Variants in MAPK6 observed in about 807,000 individuals in gnomAD.
MAPK6 encodes mitogen-activated protein kinase 6, also known as ERK-3.
In MAPK6, 19 loss-of-function variants were observed where a neutral mutation model predicts 59.3. That is an observed-to-expected ratio of 0.32 (90% CI 0.22 to 0.47). The LOEUF (loss-of-function observed/expected upper bound fraction) is 0.47. Ranked by LOEUF, MAPK6 falls within the 20% of genes least tolerant of loss-of-function variation. The pLI is 1.00. For missense variants in MAPK6, 724 were observed against 847.9 expected (o/e 0.85, Z 1.81); for synonymous variants, 316 against 290.3 (o/e 1.09, Z -0.90).
At chr15:51,992,016 G>A (rs1041954744) in intron 2 of MAPK6, among the ~76,000 whole-genome samples, 1 of 152,086 alleles carries the variant, frequency 6.6e-6, no homozygotes, top group African/African-American at 2.4e-5. Flanking sequence ...GAGTGCAGTG[G>A]CTTGATCACA....
intron 1 of MAPK6, among the ~76,000 whole-genome samples, chr15:52,041,268 C>T (rs1249431323): frequency 6.6e-6 from 1 of 152,164 alleles, no homozygotes; most frequent in African/African-American, 2.4e-5. Context: ...GCGATCTCGG[C>T]TCACAGCGAC....
intron 1 of MAPK6, among the ~76,000 whole-genome samples, chr15:52,039,509 C>CT (rs11341546): frequency 0.052 from 4,483 of 85,800 alleles, 286 homozygotes; most frequent in African/African-American, 0.13. Flanking sequence ...AGTGTTTTGT[C>CT]TTTTTTTTTT....
chr15:52,016,072 A>ACACACACACG (rs1566899882), upstream of MAPK6, among the ~76,000 whole-genome samples: 1 of 62,046 alleles, frequency 1.6e-5, no homozygotes, highest in Non-Finnish European at 3.4e-5. Context: ...GCGCGCGCGC[A>ACACACACACG]CACACACACA....
chr15:52,009,243 C>T (rs1207325369), intron 3 of MAPK6, among the ~76,000 whole-genome samples: 1 of 152,146 alleles, frequency 6.6e-6, no homozygotes, highest in Non-Finnish European at 1.5e-5. Context: ...TCTATTCTTT[C>T]CTTTTATTTA....
chr15:52,001,905 G>T (rs55843462), intron 2 of MAPK6, among the ~76,000 whole-genome samples: 1 of 151,978 alleles, frequency 6.6e-6, no homozygotes, highest in Non-Finnish European at 1.5e-5. Flanking sequence ...CATCAACCCA[G>T]ATGTCCCTGT....
chr15:52,045,277 G>GAT (rs1331909513), intron 1 of MAPK6, among the ~76,000 whole-genome samples: 2 of 151,960 alleles, frequency 1.3e-5, no homozygotes, highest in African/African-American at 2.4e-5. Flanking sequence ...TTCTCTTAAG[G>GAT]TAATCTTTTC....
intron 3 of MAPK6, among the ~76,000 whole-genome samples, chr15:52,006,624 C>A (rs1490006590): frequency 2.0e-5 from 3 of 152,168 alleles, no homozygotes; most frequent in Non-Finnish European, 4.4e-5. Context: ...AGTGGATTGG[C>A]AGCTGGTCTA....
chr15:51,976,157 T>TC (rs1370610481), intron 1 of MAPK6, among the ~76,000 whole-genome samples: 1 of 150,288 alleles, frequency 6.7e-6, no homozygotes, highest in Non-Finnish European at 1.5e-5. Flanking sequence ...TCCCAGCTAC[T>TC]CGGGAGGCTG....
At chr15:51,996,790 T>G (rs2057225630) in intron 2 of MAPK6, among the ~76,000 whole-genome samples, 1 of 152,000 alleles carries the variant, frequency 6.6e-6, no homozygotes, top group African/African-American at 2.4e-5. Flanking sequence ...ACTCCTGGGC[T>G]CAAATGATCC....
At chr15:52,005,442 G>C (rs1042120564) in intron 3 of MAPK6, among the ~76,000 whole-genome samples, 5 of 151,998 alleles carry the variant, frequency 3.3e-5, no homozygotes, top group African/African-American at 1.2e-4. Context: ...CAGGAGAATT[G>C]CTTGAACTTG....
chr15:52,013,020 AATAT>A (rs71130116), intron 3 of MAPK6, among the ~76,000 whole-genome samples: 91 of 19,098 alleles, frequency 4.8e-3, no homozygotes, highest in Middle Eastern at 0.031. Context: ...AAAAAAAAAA[AATAT>A]ATATATATAT....
intron 1 of MAPK6, among the ~76,000 whole-genome samples, chr15:52,023,490 A>G (rs1246541184): frequency 6.6e-6 from 1 of 152,250 alleles, no homozygotes; most frequent in Non-Finnish European, 1.5e-5. Context: ...GGTTGCTTTC[A>G]TGTGAAGCTG....
intron 5 of MAPK6, 72 bp downstream of exon 5, chr15:52,061,572 A>T (rs558409085): frequency 1.3e-4 from 146 of 1,124,530 alleles, no homozygotes; most frequent in Middle Eastern, 2.0e-4. Flanking sequence ...GAGTTTTTTT[A>T]AAATTATGTA....
At chr15:52,052,723 C>A (rs2031821066) in intron 3 of MAPK6, among the ~76,000 whole-genome samples, 1 of 152,136 alleles carries the variant, frequency 6.6e-6, no homozygotes, top group Non-Finnish European at 1.5e-5. Context: ...TATGTTAGTA[C>A]TTTTTTCCTT....
rs11295636 is a variant in MAPK6, at chr15:52,030,611, C to CTTTTTTTTTTTT, written c.-632+11254_-632+11265dup. Among the ~76,000 whole-genome samples, 11 of 35,742 alleles carry CTTTTTTTTTTTT rather than the reference C, an allele frequency of 3.1e-4. 1 individual carries two copies. The highest frequency in any genetic ancestry group is 6.8e-4 in the African/African-American group (6 of 8,778). 23.4% of individuals were successfully genotyped at this position (35,742 alleles called of 152,430 possible). A position where few individuals can be genotyped will look rare whatever the true frequency, so the allele number is the denominator to read the frequency against. ...TGTGTTTTAGTTATGCAGAAGAAGG[C>CTTTTTTTTTTTT]TTTTTTTTTTTTTTTTTTTTTTTTT... On this transcript the variant is annotated intron_variant, in intron 1 of 5. Coordinates refer to ENST00000261845, the MANE Select transcript of MAPK6 (RefSeq NM_002748.4).
At chr15:52,029,435 T>C (rs557391901) in intron 1 of MAPK6, among the ~76,000 whole-genome samples, 1 of 152,304 alleles carries the variant, frequency 6.6e-6, no homozygotes, top group South Asian at 2.1e-4. Flanking sequence ...CTTCCCTAGA[T>C]GGTCTCATTC....
At chr15:52,048,795 C>T (rs1478745992) in intron 2 of MAPK6, among the ~76,000 whole-genome samples, 1 of 152,102 alleles carries the variant, frequency 6.6e-6, no homozygotes, top group African/African-American at 2.4e-5. Flanking sequence ...AGGAGGATCA[C>T]TTGAGGCCAG....
intron 2 of MAPK6, among the ~76,000 whole-genome samples, chr15:52,049,717 C>T (rs146595380): frequency 1.5e-4 from 23 of 149,626 alleles, no homozygotes; most frequent in East Asian, 1.2e-3. Context: ...CGGGTTCGAG[C>T]GATTCTCCTG....
At chr15:52,036,682 G>C (rs754853402) in intron 1 of MAPK6, among the ~76,000 whole-genome samples, 14 of 152,162 alleles carry the variant, frequency 9.2e-5, no homozygotes, top group Non-Finnish European at 1.8e-4. Flanking sequence ...TGAAAGACTG[G>C]ACTCTTTCAG....
Sources: gnomAD v4.1 joint callset for allele counts (sites outside exome capture counted in the v4.1 genomes callset) on GRCh38, gnomAD v4.1.1 for gene constraint, MANE v1.5 for transcripts, NCBI Gene and HGNC (gene_info 2026-07-23, HGNC 2026-07-21) for gene names.